Variants in TMCO4 observed in about 807,000 individuals in gnomAD.
The protein encoded by TMCO4 is transmembrane and coiled-coil domains 4, also known as transmembrane and coiled-coil domain-containing protein 4.
Under a neutral mutation model 64.7 loss-of-function variants are expected in TMCO4, and 58 were observed. The observed-to-expected ratio is 0.90, with a 90% CI of 0.73 to 1.12. The LOEUF (loss-of-function observed/expected upper bound fraction) is 1.12, where lower values mean the gene tolerates loss of function less well. Among genes scored for constraint, TMCO4 ranks in the 50% most tolerant of loss-of-function variants. The probability of loss-of-function intolerance (pLI) is 0.00; values close to 1 mark genes in which losing one functional copy is unlikely to be tolerated. For missense variants in TMCO4, 780 were observed against 825.9 expected, an observed-to-expected ratio of 0.94 and a Z score of 0.68; for synonymous variants, 325 against 346.1, an observed-to-expected ratio of 0.94 and a Z score of 0.68.
intron 3 of TMCO4, among the ~76,000 whole-genome samples, chr1:19,786,757 A>C (rs1450885283): frequency 6.6e-6 from 1 of 152,224 alleles, no homozygotes; most frequent in East Asian, 1.9e-4. Context: ...AATTTTTTTA[A>C]AAAGTAGTCG....
At chr1:19,699,195 C>CAA in intron 14 of TMCO4, among the ~76,000 whole-genome samples, 1 of 116,370 alleles carries the variant, frequency 8.6e-6, no homozygotes. Context: ...GACTCCGTTT[C>CAA]AAAAAAAAAA....
At chr1:19,731,648 G>C (rs1295912456) in intron 13 of TMCO4, among the ~76,000 whole-genome samples, 3 of 152,240 alleles carry the variant, frequency 2.0e-5, no homozygotes, top group Non-Finnish European at 4.4e-5. Context: ...CTGGTGCTGG[G>C]CCAGGCCCTG....
chr1:19,750,666 C>T (rs1247587679), intron 7 of TMCO4, among the ~76,000 whole-genome samples: 1 of 152,188 alleles, frequency 6.6e-6, no homozygotes, highest in African/African-American at 2.4e-5. Context: ...TCCCTCTCTC[C>T]CCCTCTAACA....
chr1:19,691,349 C>T (rs1354551153), intron 15 of TMCO4, among the ~76,000 whole-genome samples: 1 of 152,178 alleles, frequency 6.6e-6, no homozygotes, highest in Non-Finnish European at 1.5e-5. Flanking sequence ...GGTGAAGATA[C>T]AAGTGAACTG....
rs1242682610 is a variant in TMCO4 at position 19,764,439 on chromosome 1, G to A, written c.382+6103C>T. Among the ~76,000 whole-genome samples, 3 of 152,240 alleles carry A rather than the reference G, an allele frequency of 2.0e-5. No homozygotes were observed. The East Asian group carries it at 5.8e-4, about 29-fold the overall frequency. On this transcript the variant is annotated intron_variant, in intron 6 of 15. Coordinates refer to ENST00000294543, the MANE Select transcript of TMCO4 (RefSeq NM_181719.7). ...GCCAGGCATACAGTAGGCACTCAAC[G>A]AGCATGTGCTATTAGAGTTACTCTC...
chr1:19,742,280 G>C (rs1367596790), intron 10 of TMCO4, among the ~76,000 whole-genome samples: 1 of 152,156 alleles, frequency 6.6e-6, no homozygotes, highest in African/African-American at 2.4e-5. Flanking sequence ...TGTTTGACGT[G>C]TGCCTCTCCT....
rs555968782 is a variant in TMCO4 at position 19,752,506 on chromosome 1, T to C, written c.515+3128A>G. ...TTACTCTCTGTCATCTTATCTCCCA[T>C]AAGAGGGTGTTTTCTGTCCTTATCC... is the stretch of plus-strand genomic sequence containing the variant. On this transcript the variant is annotated intron_variant, in intron 7 of 15. Coordinates refer to ENST00000294543, the MANE Select transcript of TMCO4 (RefSeq NM_181719.7). 5.3e-5 allele frequency among the ~76,000 whole-genome samples: 8 copies of C among 152,322 alleles called. No individual in the cohort carries two copies. The South Asian group carries it at 1.5e-3, about 28-fold the overall frequency.
At chr1:19,714,719 T>C (rs2095347396) in intron 13 of TMCO4, among the ~76,000 whole-genome samples, 1 of 152,050 alleles carries the variant, frequency 6.6e-6, no homozygotes. Flanking sequence ...GGCCAGGAGT[T>C]CGGGACCAGC....
At chr1:19,694,579 C>A in intron 14 of TMCO4, 28 bp from the exon 15 acceptor site, 2 of 1,605,280 alleles carry the variant, frequency 1.2e-6, no homozygotes, top group Non-Finnish European at 1.7e-6. Context: ...AGCATGTGAA[C>A]ATTAGCACCA....
At chr1:19,760,384 C>T (rs893301421) in intron 6 of TMCO4, among the ~76,000 whole-genome samples, 1 of 152,146 alleles carries the variant, frequency 6.6e-6, no homozygotes, top group Non-Finnish European at 1.5e-5. Flanking sequence ...CCACTCCTTC[C>T]TAGTCTCTTA....
At chr1:19,708,665 G>A (rs1334916230) in intron 13 of TMCO4, among the ~76,000 whole-genome samples, 6 of 152,130 alleles carry the variant, frequency 3.9e-5, no homozygotes. Flanking sequence ...CACACAGTGA[G>A]CTTCCTTAAA....
chr1:19,716,521 C>T (rs1570736678), intron 13 of TMCO4, among the ~76,000 whole-genome samples: 2 of 151,694 alleles, frequency 1.3e-5, no homozygotes, highest in South Asian at 2.1e-4. Flanking sequence ...TGAGCCACCA[C>T]TCTTGGCCAA....
chr1:19,746,612 C>G lies in TMCO4; in HGVS notation c.614-13G>C, dbSNP rs917144040. The G allele has an allele frequency of 1.6e-5, 26 of 1,595,932 alleles. No individual in the cohort carries two copies. Among genetic ancestry groups the G allele is most frequent in the Middle Eastern group, 1.7e-4 (1 of 5,970 alleles). On this transcript the variant is annotated splice_polypyrimidine_tract_variant and intron_variant, in intron 8 of 15. Transcript: ENST00000294543. ...CCTCCAGTCACACCTGTGGGAAAAG[C>G]AGCAGTTTCAGGTGGGAGTAAAAAT...
intron 13 of TMCO4, among the ~76,000 whole-genome samples, chr1:19,728,519 C>T (rs900621845): frequency 4.6e-5 from 7 of 152,260 alleles, no homozygotes; most frequent in African/African-American, 1.7e-4. Context: ...TCTCCTCTGA[C>T]TCTCTGGGCA....
chr1:19,695,123 G>A (rs138332720), intron 14 of TMCO4, among the ~76,000 whole-genome samples: 22 of 152,312 alleles, frequency 1.4e-4, no homozygotes, highest in African/African-American at 4.6e-4. Context: ...GGCAGCAGAG[G>A]AGGCGAGGGT....
At chr1:19,769,819 C>A (rs532440203) in intron 6 of TMCO4, among the ~76,000 whole-genome samples, 38 of 121,158 alleles carry the variant, frequency 3.1e-4, no homozygotes, top group African/African-American at 1.1e-3. Context: ...TGGTCTCCAA[C>A]CTTTTTGGCA....
intron 3 of TMCO4, among the ~76,000 whole-genome samples, chr1:19,781,633 A>G (rs564872320): frequency 6.6e-5 from 10 of 150,622 alleles, no homozygotes; most frequent in African/African-American, 2.4e-4. Flanking sequence ...AAGAGCAAAC[A>G]GAACTTTCTT....
chr1:19,746,891 T>C (rs1299565326), intron 8 of TMCO4, among the ~76,000 whole-genome samples: 1 of 126,524 alleles, frequency 7.9e-6, no homozygotes, highest in Admixed American at 1.0e-4. Context: ...GCCACTGCAC[T>C]CCAGCCTGGG....
rs1425928743 is a variant in TMCO4, at chr1:19,755,713, G to A, written c.436C>T (p.Gln146Ter). The change falls in exon 7 of 16, where the codon CAA (glutamine) becomes TAA (stop). Residue 146 changes from glutamine to a stop codon, truncating the protein, a stop_gained. Coordinates refer to ENST00000294543, the MANE Select transcript of TMCO4 (RefSeq NM_181719.7). LOFTEE classifies it high-confidence loss of function. ...ACATCCAGCTCCTCCAAGGGCACTT[G>A]GAGCAGGGAGGTCATGTGGCAAACG... ...VLVCHMTSLL[Q>*]VPLEELDVLE... 3 of 1,614,060 alleles carry A rather than the reference G, an allele frequency of 1.9e-6. No individual in the cohort carries two copies. The Admixed American group carries it at 5.0e-5, about 27-fold the overall frequency.
Sources: gnomAD v4.1 joint callset for allele counts (sites outside exome capture counted in the v4.1 genomes callset) on GRCh38, gnomAD v4.1.1 for gene constraint, MANE v1.5 for transcripts, NCBI Gene and HGNC (gene_info 2026-07-23, HGNC 2026-07-21) for gene names.